ARB2A: variants seen among roughly 807,000 people sequenced by gnomAD.
ARB2A encodes cotranscriptional regulator ARB2A.
At chr5:93,861,041 T>C in the ARB2A span, 1 of 152,174 alleles carries the variant, frequency 6.6e-6, no homozygotes, top group Non-Finnish European at 1.5e-5. Flanking sequence ...ATAGCTGAAC[T>C]CCAGTTTTGG....
chr5:93,883,547 T>C, the ARB2A span, among the ~76,000 whole-genome samples: 1 of 151,666 alleles, frequency 6.6e-6, no homozygotes, highest in Non-Finnish European at 1.5e-5. Flanking sequence ...GGTAGACAGA[T>C]TGTCACTTGG....
chr5:93,684,636 A>C, the ARB2A span, among the ~76,000 whole-genome samples: 1 of 152,294 alleles, frequency 6.6e-6, no homozygotes, highest in South Asian at 2.1e-4. Flanking sequence ...AGCACAACTT[A>C]AAGTTAGTGT....
At chr5:93,870,422 T>C in the ARB2A span, among the ~76,000 whole-genome samples, 1 of 152,246 alleles carries the variant, frequency 6.6e-6, no homozygotes, top group Non-Finnish European at 1.5e-5. Context: ...ATATGGTTTC[T>C]ATTTTTATAA....
At chr5:94,049,583 C>G in the ARB2A span, among the ~76,000 whole-genome samples, 1 of 148,580 alleles carries the variant, frequency 6.7e-6, no homozygotes, top group African/African-American at 2.5e-5. Context: ...ACTAAAAGTA[C>G]AAAAAAAAAT....
the ARB2A span, among the ~76,000 whole-genome samples, chr5:93,987,208 A>G: frequency 1.3e-5 from 2 of 152,100 alleles, no homozygotes; most frequent in Non-Finnish European, 2.9e-5. Context: ...TCCAAACTCT[A>G]CTTCCATCCT....
chr5:93,750,055 T>C, the ARB2A span, among the ~76,000 whole-genome samples: 1 of 152,194 alleles, frequency 6.6e-6, no homozygotes, highest in Non-Finnish European at 1.5e-5. Context: ...TCATGCCTAA[T>C]ACTCTTTATA....
the ARB2A span, among the ~76,000 whole-genome samples, chr5:93,749,859 A>T: frequency 2.6e-5 from 4 of 152,036 alleles, no homozygotes; most frequent in South Asian, 2.1e-4. Flanking sequence ...AGTGTCATTT[A>T]AAAAAAAGGG....
chr5:93,879,056 A>G, the ARB2A span, among the ~76,000 whole-genome samples: 5 of 152,120 alleles, frequency 3.3e-5, no homozygotes, highest in Non-Finnish European at 7.4e-5. Flanking sequence ...TAAGAAGTAT[A>G]TAAATAAAAG....
chr5:94,072,407 GAAT>G, the ARB2A span, among the ~76,000 whole-genome samples: 2 of 151,788 alleles, frequency 1.3e-5, no homozygotes, highest in Non-Finnish European at 2.9e-5. Context: ...AATGGAAATT[GAAT>G]AATGACCGTG....
the ARB2A span, among the ~76,000 whole-genome samples, chr5:94,048,051 C>CTTTTTTTTTTTT: frequency 3.1e-5 from 3 of 96,078 alleles, no homozygotes; most frequent in African/African-American, 4.0e-5. Flanking sequence ...AATCGGTAAG[C>CTTTTTTTTTTTT]TTTTTTTTTT....
the ARB2A span, among the ~76,000 whole-genome samples, chr5:93,661,341 G>C: frequency 1.3e-5 from 2 of 152,144 alleles, no homozygotes; most frequent in African/African-American, 4.8e-5. Context: ...ATAGTAATTT[G>C]TTTAAGGTAG....
chr5:94,041,447 T>A, the ARB2A span, among the ~76,000 whole-genome samples: 2 of 152,136 alleles, frequency 1.3e-5, no homozygotes, highest in Non-Finnish European at 2.9e-5. Flanking sequence ...GGGTCCTTTA[T>A]CTTCTGTCTC....
the ARB2A span, among the ~76,000 whole-genome samples, chr5:93,859,624 T>C: frequency 1.3e-5 from 2 of 152,072 alleles, no homozygotes; most frequent in African/African-American, 4.8e-5. Flanking sequence ...TAAAAAAAGA[T>C]TTTTTCAAAA....
the ARB2A span, among the ~76,000 whole-genome samples, chr5:94,001,446 TA>T: frequency 6.6e-6 from 1 of 152,066 alleles, no homozygotes; most frequent in African/African-American, 2.4e-5. Context: ...TCTGTTTCAT[TA>T]TGCATATTTA....
At chr5:94,093,098 C>T in the ARB2A span, among the ~76,000 whole-genome samples, 1 of 152,058 alleles carries the variant, frequency 6.6e-6, no homozygotes, top group Admixed American at 6.6e-5. Flanking sequence ...GTTGTTTGCT[C>T]AGTCATTTAA....
chr5:93,626,619 TCTA>T, the ARB2A span, among the ~76,000 whole-genome samples: 5 of 152,178 alleles, frequency 3.3e-5, no homozygotes, highest in Non-Finnish European at 5.9e-5. Flanking sequence ...TATGCTCCAG[TCTA>T]CTAAGTGTGC....
the ARB2A span, among the ~76,000 whole-genome samples, chr5:94,103,764 C>G: frequency 6.9e-6 from 1 of 144,276 alleles, no homozygotes; most frequent in Non-Finnish European, 1.5e-5. Flanking sequence ...ATTGACCACA[C>G]ACTCAGCCAT....
At chr5:93,918,257 AT>A in the ARB2A span, among the ~76,000 whole-genome samples, 2 of 152,258 alleles carry the variant, frequency 1.3e-5, no homozygotes, top group South Asian at 2.1e-4. Flanking sequence ...CCAACAAAAA[AT>A]ATTACAATTA....
At chr5:93,809,209 T>C in the ARB2A span, among the ~76,000 whole-genome samples, 1 of 151,982 alleles carries the variant, frequency 6.6e-6, no homozygotes, top group Non-Finnish European at 1.5e-5. Flanking sequence ...TAAAAGGATG[T>C]AGACATCTTA....
Sources: gnomAD v4.1 joint callset for allele counts (sites outside exome capture counted in the v4.1 genomes callset) on GRCh38, gnomAD v4.1.1 for gene constraint, MANE v1.5 for transcripts, NCBI Gene and HGNC (gene_info 2026-07-23, HGNC 2026-07-21) for gene names.